Variants in IQGAP2 observed in about 807,000 individuals in gnomAD.
IQGAP2 encodes the protein IQ motif containing GTPase activating protein 2.
In IQGAP2, 173 loss-of-function variants were observed where a neutral mutation model predicts 201.3. The observed-to-expected ratio is 0.86, with a 90% CI of 0.76 to 0.98. IQGAP2 has a LOEUF of 0.98. Among genes scored for constraint, IQGAP2 ranks in the 50% least tolerant of loss-of-function variants. The pLI, the probability that IQGAP2 is intolerant of heterozygous loss-of-function variation, is 0.00. For synonymous variants in IQGAP2, 675 were observed against 673.9 expected (o/e 1.00, Z -0.03); for missense variants, 1,687 against 1,864.8 (o/e 0.90, Z 1.76).
chr5:76,467,736 A>T (rs1232749593), intron 2 of IQGAP2, among the ~76,000 whole-genome samples: 1 of 152,204 alleles, frequency 6.6e-6, no homozygotes, highest in African/African-American at 2.4e-5. Flanking sequence ...AAACAATCCA[A>T]ATGTCTACCC....
At chr5:76,541,842 G>A (rs1742796540) in intron 2 of IQGAP2, among the ~76,000 whole-genome samples, 1 of 152,200 alleles carries the variant, frequency 6.6e-6, no homozygotes, top group South Asian at 2.1e-4. Context: ...GGAAAGAGCA[G>A]CTTTCCCCCG....
At chr5:76,681,765 T>C (rs1442013521) in intron 28 of IQGAP2, among the ~76,000 whole-genome samples, 1 of 152,114 alleles carries the variant, frequency 6.6e-6, no homozygotes, top group Admixed American at 6.5e-5. Context: ...CCATAAAAAA[T>C]TGAAAGCAGA....
At chr5:76,517,362 A>G (rs1758393436) in intron 2 of IQGAP2, among the ~76,000 whole-genome samples, 1 of 152,280 alleles carries the variant, frequency 6.6e-6, no homozygotes, top group South Asian at 2.1e-4. Flanking sequence ...TGTTCCTTCT[A>G]ACTGCATTCA....
chr5:76,575,752 T>C lies in IQGAP2; in HGVS notation c.441T>C (p.Tyr147=). 2.5e-6 allele frequency: 4 copies of C among 1,586,562 alleles called. No individual in the cohort carries two copies. The highest frequency in any genetic ancestry group is 3.4e-6 in the Non-Finnish European group (4 of 1,163,322). ...YDRKNIPRMI[Y]CIHALSLYLF... ...GGAAAAACATACCAAGAATGATATA[T>C]TGCATTCACGCACTGAGGTAGGGGG... Residue 147 remains tyrosine (Y), a synonymous_variant, in exon 5 of 36, where the codon TAT becomes TAC. Coordinates refer to ENST00000274364, the MANE Select transcript of IQGAP2 (RefSeq NM_006633.5).
rs2303161 is a variant in IQGAP2 at position 76,677,056 on chromosome 5, C to A, written c.3528-162C>A. 2,872 of 626,676 alleles carry A rather than the reference C, an allele frequency of 4.6e-3. 80 individuals carry two copies. In the East Asian group the frequency reaches 0.057, roughly 13 times the overall value. 38.8% of individuals were successfully genotyped at this position (626,676 alleles called of 1,614,324 possible). A position where few individuals can be genotyped will look rare whatever the true frequency, so the allele number is the denominator to read the frequency against. On this transcript the variant is annotated intron_variant, in intron 27 of 35. Transcript: ENST00000274364. ...AATATCCAGAAACATGGATGCAGCT[C>A]CGACAGCCAGGAGCCAGCCTGGAAG... is the stretch of plus-strand genomic sequence containing the variant.
chr5:76,445,007 T>C (rs1480747935), intron 1 of IQGAP2, among the ~76,000 whole-genome samples: 2 of 152,202 alleles, frequency 1.3e-5, no homozygotes, highest in African/African-American at 4.8e-5. Flanking sequence ...TTCTGTGAAA[T>C]TGGTTAAAGA....
At chr5:76,472,098 C>T (rs1755145519) in intron 2 of IQGAP2, among the ~76,000 whole-genome samples, 1 of 152,186 alleles carries the variant, frequency 6.6e-6, no homozygotes, top group Admixed American at 6.5e-5. Flanking sequence ...GCAGGGACCC[C>T]CTCGCAAGTC....
intron 1 of IQGAP2, among the ~76,000 whole-genome samples, chr5:76,405,250 C>T (rs1262904087): frequency 6.6e-6 from 1 of 152,204 alleles, no homozygotes; most frequent in Non-Finnish European, 1.5e-5. Flanking sequence ...CGGAATAAAT[C>T]TGTGTTTTAA....
At chr5:76,461,184 C>G (rs1173374124) in intron 1 of IQGAP2, among the ~76,000 whole-genome samples, 1 of 151,684 alleles carries the variant, frequency 6.6e-6, no homozygotes, top group East Asian at 2.0e-4. Flanking sequence ...GGCCTTGATT[C>G]ACTTGTTAGA....
In IQGAP2 at chr5:76,531,622, A is replaced by G. The variant is rs559524049; in HGVS notation, c.147-30774A>G. ...ACATGCAAATTTGGAGGACATATTC[A>G]GACTATAGAAGGCTCTGTTCCTCGG... is the stretch of plus-strand genomic sequence containing the variant. On this transcript the variant is annotated intron_variant, in intron 2 of 35. Transcript: ENST00000274364. Among the ~76,000 whole-genome samples, 106 of 152,360 alleles carry G rather than the reference A, an allele frequency of 7.0e-4. No homozygotes were observed. In the Middle Eastern group the frequency reaches 0.01, roughly 15 times the overall value.
intron 17 of IQGAP2, among the ~76,000 whole-genome samples, chr5:76,650,372 A>C (rs114135836): frequency 4.6e-5 from 7 of 152,236 alleles, no homozygotes; most frequent in African/African-American, 1.7e-4. Flanking sequence ...GGAAGTAGAG[A>C]TAGGTACACA....
intron 1 of IQGAP2, among the ~76,000 whole-genome samples, chr5:76,451,298 T>C (rs111768278): frequency 0.015 from 2,251 of 152,216 alleles, 55 homozygotes; most frequent in African/African-American, 0.05. Context: ...CTATTGCCAG[T>C]CCTGCCTATG....
intron 1 of IQGAP2, among the ~76,000 whole-genome samples, chr5:76,459,602 AG>A (rs1361227989): frequency 2.6e-5 from 4 of 152,126 alleles, no homozygotes; most frequent in Non-Finnish European, 4.4e-5. Flanking sequence ...ATGGTATGTG[AG>A]TGTGGCAGGT....
chr5:76,446,315 A>G (rs1224774193), intron 1 of IQGAP2, among the ~76,000 whole-genome samples: 2 of 151,764 alleles, frequency 1.3e-5, no homozygotes, highest in Non-Finnish European at 2.9e-5. Context: ...CAATACACGC[A>G]GGTTTCATTT....
chr5:76,403,296 G>T lies in IQGAP2; in HGVS notation c.-250G>T. ...CTGGAGGAGAAAGGAAACCTGCTGCGGGAGGCGGCGGCGACCGGCCAGGGA... is the reference window on the plus strand; with the variant it reads ...CTGGAGGAGAAAGGAAACCTGCTGCTGGAGGCGGCGGCGACCGGCCAGGGA... On this transcript the variant is annotated 5_prime_UTR_variant, in exon 1 of 36. Coordinates refer to ENST00000274364, the MANE Select transcript of IQGAP2 (RefSeq NM_006633.5). The surrounding 1 kb of genome is among the most constrained non-coding windows in gnomAD (Gnocchi z 4.8). 5.8e-6 allele frequency: 2 copies of T among 346,460 alleles called. No homozygotes were observed. Among genetic ancestry groups the T allele is most frequent in the Non-Finnish European group, 1.0e-5 (2 of 193,420 alleles). The allele number at this position is 346,460 out of a possible 1,614,324, so 21.5% of individuals were successfully genotyped here. A position where few individuals can be genotyped will look rare whatever the true frequency, so the allele number is the denominator to read the frequency against.
chr5:76,448,312 A>C (rs1049544507), intron 1 of IQGAP2, among the ~76,000 whole-genome samples: 5 of 152,146 alleles, frequency 3.3e-5, no homozygotes, highest in Non-Finnish European at 7.3e-5. Flanking sequence ...ATGAAGCCTC[A>C]CCTGCTGCTT....
At chr5:76,539,631 C>G (rs1561447909) in intron 2 of IQGAP2, among the ~76,000 whole-genome samples, 1 of 152,120 alleles carries the variant, frequency 6.6e-6, no homozygotes, top group African/African-American at 2.4e-5. Flanking sequence ...ACCTTGCCCT[C>G]CCCATAAAGC....
At position 76,422,943 on chromosome 5, in the gene IQGAP2, G is replaced by A. The variant is rs557078593; in HGVS notation, c.46+19352G>A. The stretch of plus-strand genomic sequence containing the variant: ...CCATTTTATAGGTGGGAAAACTGAG[G>A]TGCAGAAACATTAAGTAACTTGCCC... On this transcript the variant is annotated intron_variant, in intron 1 of 35. Coordinates refer to ENST00000274364, the MANE Select transcript of IQGAP2 (RefSeq NM_006633.5). Among the ~76,000 whole-genome samples, 4 of 152,334 alleles carry A rather than the reference G, an allele frequency of 2.6e-5. No individual in the cohort carries two copies. The South Asian group carries it at 6.2e-4, about 24-fold the overall frequency.
intron 1 of IQGAP2, among the ~76,000 whole-genome samples, chr5:76,445,047 T>G (rs1248073261): frequency 2.0e-5 from 3 of 152,204 alleles, no homozygotes; most frequent in Non-Finnish European, 4.4e-5. Flanking sequence ...TCTGTCTCTA[T>G]GTGATGAGCC....
Sources: allele counts gnomAD v4.1 joint callset (sites outside exome capture counted in the v4.1 genomes callset), GRCh38; gene constraint gnomAD v4.1.1; non-coding constraint Gnocchi (gnomAD v3.1); transcripts MANE v1.5; gene names NCBI Gene and HGNC (gene_info 2026-07-23, HGNC 2026-07-21).